Variants in CDC5L observed in about 807,000 individuals in gnomAD.
CDC5L encodes the protein cell division cycle 5 like.
In CDC5L, 18 loss-of-function variants were observed where a neutral mutation model predicts 104.1. The ratio of observed to expected loss-of-function variants is 0.17; its 90% CI spans 0.12 to 0.26. The LOEUF (loss-of-function observed/expected upper bound fraction) is 0.26, where lower values mean the gene tolerates loss of function less well. Ranked by LOEUF, CDC5L falls within the 10% of genes least tolerant of loss-of-function variation. The pLI is 1.00. For synonymous variants in CDC5L, 331 were observed against 322.7 expected (o/e 1.03, Z -0.28); for missense variants, 673 against 956.9 (o/e 0.70, Z 3.91).
Position 44,430,640 on chromosome 6 carries a change from T to G in CDC5L, c.2091+730T>G, listed in dbSNP as rs761576988. ...CAGGCTGCAGTGCAGTGGTGCAATC[T>G]TGGCTCACTCCAACCTCTACCTCCT... On this transcript the variant is annotated intron_variant, in intron 14 of 15. Transcript: ENST00000371477. Among the ~76,000 whole-genome samples, 7 of 151,254 alleles carry G rather than the reference T, an allele frequency of 4.6e-5. 1 individual carries two copies. Among genetic ancestry groups the G allele is most frequent in the Non-Finnish European group, 1.0e-4 (7 of 67,858 alleles).
chr6:44,421,376 A>G (rs2153380948), intron 9 of CDC5L, among the ~76,000 whole-genome samples: 1 of 152,342 alleles, frequency 6.6e-6, no homozygotes, highest in South Asian at 2.1e-4. Context: ...TGGAACTTAC[A>G]ATGGTTGGAA....
In CDC5L at chr6:44,408,347, C is replaced by T. The variant is rs930762841; in HGVS notation, c.904-97C>T. On this transcript the variant is annotated intron_variant, in intron 7 of 15. Coordinates refer to ENST00000371477, the MANE Select transcript of CDC5L (RefSeq NM_001253.4). ...GAACTCCTGGGCTCAAACAGTTTGC[C>T]CTCCTCGGCCTCCCAGAGTGTTGGG... 6.8e-6 allele frequency: 6 copies of T among 879,766 alleles called. No individual in the cohort carries two copies. In the African/African-American group the frequency reaches 8.6e-5, roughly 13 times the overall value. The allele number at this position is 879,766 out of a possible 1,614,324, so 54.5% of individuals were successfully genotyped here. A position where few individuals can be genotyped will look rare whatever the true frequency, so the allele number is the denominator to read the frequency against.
chr6:44,418,152 C>G (rs541668917), intron 8 of CDC5L, among the ~76,000 whole-genome samples: 3 of 152,120 alleles, frequency 2.0e-5, no homozygotes, highest in Admixed American at 6.5e-5. Context: ...CCTCTCCCCC[C>G]ACCCTCCAAC....
chr6:44,413,440 T>C (rs766450474), intron 8 of CDC5L, among the ~76,000 whole-genome samples: 1 of 152,220 alleles, frequency 6.6e-6, no homozygotes, highest in Non-Finnish European at 1.5e-5. Context: ...TTAGGAATAA[T>C]GCTGCTTTGA....
At chr6:44,427,691 T>C (rs1462526400) in intron 13 of CDC5L, among the ~76,000 whole-genome samples, 1 of 149,956 alleles carries the variant, frequency 6.7e-6, no homozygotes, top group Non-Finnish European at 1.5e-5. Context: ...TTTTAGTAAG[T>C]GCAGTAGGGA....
chr6:44,445,662 G>A lies in CDC5L; in HGVS notation c.2099G>A (p.Arg700Lys). Residue 700 changes from arginine (R) to lysine (K), a missense_variant, in exon 15 of 16, where the codon AGG (arginine) becomes AAG (lysine). Arg to Lys is a conservative substitution (Grantham distance 26). Around this residue, in one of 4 missense-constraint regions of CDC5L, gnomAD observed 578 missense variants for 737.0 expected, o/e 0.78. Transcript: ENST00000371477. ...ESLEKRLEIN[R>K]GHMTTEAKRA... Reference sequence around the variant, plus strand: ...TCTTCCCCTGCTCTCCAGATAAACAGGGGTCACATGACGACAGAAGCCAAG... The same window carrying A: ...TCTTCCCCTGCTCTCCAGATAAACAAGGGTCACATGACGACAGAAGCCAAG... The A allele has an allele frequency of 6.2e-7, 1 of 1,612,880 alleles. No individual in the cohort carries two copies. The highest frequency in any genetic ancestry group is 8.5e-7 in the Non-Finnish European group (1 of 1,179,146).
At chr6:44,443,452 C>G (rs913869453) in intron 14 of CDC5L, among the ~76,000 whole-genome samples, 2 of 151,836 alleles carry the variant, frequency 1.3e-5, no homozygotes, top group Non-Finnish European at 2.9e-5. Flanking sequence ...TTGTTCTTTT[C>G]TCCTTCTGGC....
At chr6:44,408,724 T>G in intron 8 of CDC5L, 92 bp downstream of exon 8, 1 of 928,568 alleles carries the variant, frequency 1.1e-6, no homozygotes, top group Non-Finnish European at 1.6e-6. Context: ...GTTGTGTTTC[T>G]TTTAGTGTAA....
intron 8 of CDC5L, among the ~76,000 whole-genome samples, chr6:44,419,012 A>G (rs1041091976): frequency 6.6e-6 from 1 of 151,828 alleles, no homozygotes; most frequent in African/African-American, 2.4e-5. Context: ...ATTAGATCCC[A>G]TTTGTCAGTT....
intron 13 of CDC5L, among the ~76,000 whole-genome samples, chr6:44,428,292 A>C (rs1330091277): frequency 6.6e-6 from 1 of 151,896 alleles, no homozygotes; most frequent in Non-Finnish European, 1.5e-5. Context: ...TCTTCTATAG[A>C]GATGATTTTC....
chr6:44,411,637 A>AGAGAGAGTGTGTGTGTGTGT lies in CDC5L; in HGVS notation c.1092+3006_1092+3007insAGAGAGTGTGTGTGTGTGTG. Among the ~76,000 whole-genome samples the AGAGAGAGTGTGTGTGTGTGT allele has an allele frequency of 2.3e-4, 29 of 123,738 alleles. 1 individual carries two copies. Among genetic ancestry groups the AGAGAGAGTGTGTGTGTGTGT allele is most frequent in the African/African-American group, 8.1e-4 (27 of 33,358 alleles). 81.2% of individuals were successfully genotyped at this position (123,738 alleles called of 152,430 possible). The stretch of plus-strand genomic sequence containing the variant: ...GAGAGAGAGAGAGAGAGAGAGAGAG[A>AGAGAGAGTGTGTGTGTGTGT]GTGTGTGTGTGTGTGTGACTAAAAA... On this transcript the variant is annotated intron_variant, in intron 8 of 15. Coordinates refer to ENST00000371477, the MANE Select transcript of CDC5L (RefSeq NM_001253.4).
rs544607473 is a variant in CDC5L at position 44,446,858 on chromosome 6, A to T, written c.*147A>T. 5.6e-5 allele frequency: 27 copies of T among 484,716 alleles called. No homozygotes were observed. In the South Asian group the frequency reaches 9.8e-4, roughly 18 times the overall value. The allele number at this position is 484,716 out of a possible 1,614,324, so 30.0% of individuals were successfully genotyped here. ...ATTTTAAATGATATCGATCTTACAC[A>T]TTCTGTGTATAAAGACCTTAACTCC... On this transcript the variant is annotated 3_prime_UTR_variant, in exon 16 of 16. Transcript: ENST00000371477.
At chr6:44,407,517 G>C (rs1463401606) in intron 7 of CDC5L, among the ~76,000 whole-genome samples, 1 of 152,170 alleles carries the variant, frequency 6.6e-6, no homozygotes, top group African/African-American at 2.4e-5. Context: ...ACTAGAGACA[G>C]GGTTTCACCA....
chr6:44,388,591 C>T (rs1790455813), intron 1 of CDC5L, among the ~76,000 whole-genome samples: 1 of 151,694 alleles, frequency 6.6e-6, no homozygotes, highest in South Asian at 2.1e-4. Context: ...GTTTTGTGTT[C>T]AGAGTGTACC....
intron 4 of CDC5L, among the ~76,000 whole-genome samples, chr6:44,395,122 G>A (rs1025230351): frequency 2.0e-5 from 3 of 152,140 alleles, no homozygotes; most frequent in African/African-American, 7.2e-5. Flanking sequence ...TATGGTGTGT[G>A]GGTGGGAGAG....
At chr6:44,400,987 T>C (rs905963400) in intron 5 of CDC5L, among the ~76,000 whole-genome samples, 17 of 152,190 alleles carry the variant, frequency 1.1e-4, no homozygotes, top group Admixed American at 2.6e-4. Flanking sequence ...TCCCAGCTCT[T>C]ATTCCCTGTT....
At chr6:44,390,975 TATATATTATATATTAA>T (rs1374271665) in intron 2 of CDC5L, among the ~76,000 whole-genome samples, 2 of 124,826 alleles carry the variant, frequency 1.6e-5, no homozygotes, top group African/African-American at 2.9e-5. Flanking sequence ...TTTAATATGT[TATATATTATATATTAA>T]ACATATTTAA....
chr6:44,396,113 A>T (rs1399143129), intron 4 of CDC5L, among the ~76,000 whole-genome samples: 1 of 152,158 alleles, frequency 6.6e-6, no homozygotes, highest in East Asian at 1.9e-4. Context: ...ATGCTTAGGG[A>T]GGGTAAGTAA....
intron 14 of CDC5L, among the ~76,000 whole-genome samples, chr6:44,443,536 TTC>T (rs1170998675): frequency 1.3e-5 from 2 of 151,884 alleles, no homozygotes; most frequent in South Asian, 4.2e-4. Context: ...TCATTATTTT[TTC>T]TTTTTGCTCC....
Sources: gnomAD v4.1 joint callset for allele counts (sites outside exome capture counted in the v4.1 genomes callset) on GRCh38, gnomAD v4.1.1 for gene constraint, gnomAD v4.1.1 regional missense constraint, MANE v1.5 for transcripts, NCBI Gene and HGNC (gene_info 2026-07-23, HGNC 2026-07-21) for gene names.